The following DOCK1 variants were observed in gnomAD, a reference collection of about 807,000 sequenced individuals.
The protein encoded by DOCK1 is dedicator of cytokinesis protein 1.
DOCK1 carries 138 observed loss-of-function variants against 262.7 expected under a neutral mutation model. The ratio of observed to expected loss-of-function variants is 0.53; its 90% CI spans 0.46 to 0.61. The LOEUF is 0.61. Among genes scored for constraint, DOCK1 ranks in the 20% least tolerant of loss-of-function variants. The probability of loss-of-function intolerance (pLI) is 0.00; values close to 1 mark genes in which losing one functional copy is unlikely to be tolerated. For missense variants in DOCK1, 1,908 were observed against 2,370.7 expected (o/e 0.80, Z 4.05); for synonymous variants, 866 against 867.4 (o/e 1.00, Z 0.03).
chr10:127,275,535 G>A (rs1261909256), intron 29 of DOCK1, among the ~76,000 whole-genome samples: 4 of 152,144 alleles, frequency 2.6e-5, no homozygotes, highest in Admixed American at 2.6e-4. Context: ...TACCAGGAGA[G>A]TTTGTAGGAA....
intron 29 of DOCK1, among the ~76,000 whole-genome samples, chr10:127,262,326 T>C (rs548686051): frequency 1.3e-5 from 2 of 152,206 alleles, no homozygotes; most frequent in African/African-American, 2.4e-5. Flanking sequence ...AAGACACTTT[T>C]ATTTGCAGAG....
At chr10:127,432,512 C>G (rs2069368037) in intron 47 of DOCK1, among the ~76,000 whole-genome samples, 1 of 152,028 alleles carries the variant, frequency 6.6e-6, no homozygotes, top group Admixed American at 6.6e-5. Flanking sequence ...AAAGGAAGGT[C>G]CTTGTGCAGC....
chr10:127,277,677 C>T (rs1459114926), intron 29 of DOCK1, among the ~76,000 whole-genome samples: 5 of 152,032 alleles, frequency 3.3e-5, no homozygotes, highest in African/African-American at 9.7e-5. Context: ...GCAGGAGAAT[C>T]GCTTGAACCT....
intron 29 of DOCK1, among the ~76,000 whole-genome samples, chr10:127,318,709 TG>T (rs1029125724): frequency 7.9e-5 from 12 of 152,240 alleles, no homozygotes; most frequent in African/African-American, 2.9e-4. Flanking sequence ...TTTTAAATGC[TG>T]GGGATGTCGT....
chr10:127,028,387 C>T (rs1489608051), intron 16 of DOCK1, among the ~76,000 whole-genome samples: 4 of 152,138 alleles, frequency 2.6e-5, no homozygotes, highest in African/African-American at 9.7e-5. Flanking sequence ...TTATCATGTG[C>T]CCGACACAAG....
chr10:127,084,078 A>AT (rs1021199306), intron 23 of DOCK1, among the ~76,000 whole-genome samples: 12 of 152,188 alleles, frequency 7.9e-5, no homozygotes, highest in East Asian at 1.9e-4. Context: ...AAGAATTGTT[A>AT]TTTTTTTACC....
chr10:126,954,307 C>T (rs1423361160), intron 1 of DOCK1, among the ~76,000 whole-genome samples: 1 of 152,268 alleles, frequency 6.6e-6, no homozygotes, highest in East Asian at 1.9e-4. Context: ...TTGGGAATCA[C>T]AGCCGATGCA....
intron 4 of DOCK1, among the ~76,000 whole-genome samples, chr10:126,983,239 C>G (rs1292580143): frequency 6.6e-6 from 1 of 152,302 alleles, no homozygotes; most frequent in Non-Finnish European, 1.5e-5. Context: ...CTATCTGTCT[C>G]CCTTGCCACG....
At position 127,000,317 on chromosome 10, in the gene DOCK1, TTC is replaced by T. The variant is rs2040496412; in HGVS notation, c.985+14_985+15del. The T allele has an allele frequency of 6.2e-7, 1 of 1,612,768 alleles. No individual in the cohort carries two copies. The highest frequency in any genetic ancestry group is 1.1e-5 in the South Asian group (1 of 90,862). ...CCTTTTGGAGTGGCTGGTAATCTAT[TTC>T]TCTGTGTTTCCTTGAGAGTTTCAGA... On this transcript the variant is annotated intron_variant, in intron 10 of 51. Transcript: ENST00000623213.
intron 27 of DOCK1, among the ~76,000 whole-genome samples, chr10:127,130,977 C>T (rs529992718): frequency 2.0e-5 from 3 of 152,122 alleles, no homozygotes; most frequent in Admixed American, 6.6e-5. Context: ...TCTATCATGT[C>T]GTATCCATGG....
At chr10:126,994,510 G>T (rs1333699725) in intron 6 of DOCK1, among the ~76,000 whole-genome samples, 2 of 152,166 alleles carry the variant, frequency 1.3e-5, no homozygotes, top group Admixed American at 6.5e-5. Flanking sequence ...AGATTAGGGA[G>T]TGGTGGTGAC....
At chr10:127,168,346 A>G (rs1422874032) in intron 27 of DOCK1, among the ~76,000 whole-genome samples, 1 of 152,262 alleles carries the variant, frequency 6.6e-6, no homozygotes, top group Non-Finnish European at 1.5e-5. Context: ...TGACATTTCC[A>G]TGCCATTCAA....
chr10:127,080,466 T>C (rs2046837799), intron 23 of DOCK1, among the ~76,000 whole-genome samples: 1 of 152,130 alleles, frequency 6.6e-6, no homozygotes, highest in Admixed American at 6.5e-5. Flanking sequence ...TTTTGTATTG[T>C]AATTACTATT....
intron 1 of DOCK1, among the ~76,000 whole-genome samples, chr10:126,924,813 A>G (rs1404010443): frequency 6.6e-6 from 1 of 152,216 alleles, no homozygotes; most frequent in African/African-American, 2.4e-5. Context: ...TAATGTGTAA[A>G]GAGCCTTCAG....
At chr10:127,286,688 C>A (rs79011733) in intron 29 of DOCK1, among the ~76,000 whole-genome samples, 10,212 of 152,090 alleles carry the variant, frequency 0.067, 394 homozygotes, top group East Asian at 0.11. Flanking sequence ...TCAAAAATAT[C>A]TCTTAAAAAT....
chr10:127,447,880 A>G (rs1415615591), intron 51 of DOCK1, among the ~76,000 whole-genome samples: 1 of 152,202 alleles, frequency 6.6e-6, no homozygotes, highest in Admixed American at 6.5e-5. Context: ...TTCTAATGAC[A>G]TTTTGATTTT....
At chr10:127,438,918 CA>C (rs1234168672) in intron 48 of DOCK1, 108 bp from the exon 49 acceptor site, 1 of 1,197,044 alleles carries the variant, frequency 8.4e-7, no homozygotes, top group Non-Finnish European at 1.2e-6. Flanking sequence ...CCTTTTAAAT[CA>C]CTGCTTTCAT....
intron 29 of DOCK1, among the ~76,000 whole-genome samples, chr10:127,262,113 TGG>T (rs2060183228): frequency 6.8e-6 from 1 of 147,524 alleles, no homozygotes. Context: ...TGTGTGCATG[TGG>T]GTGTGTGTGT....
At chr10:127,294,193 TA>T (rs1184902768) in intron 29 of DOCK1, among the ~76,000 whole-genome samples, 1 of 152,248 alleles carries the variant, frequency 6.6e-6, no homozygotes, top group Non-Finnish European at 1.5e-5. Context: ...CTGTCTCAGA[TA>T]TACTTATAAT....
Sources: allele counts gnomAD v4.1 joint callset (sites outside exome capture counted in the v4.1 genomes callset), GRCh38; gene constraint gnomAD v4.1.1; transcripts MANE v1.5; gene names NCBI Gene and HGNC (gene_info 2026-07-23, HGNC 2026-07-21).